The following HTR2C variants were observed in gnomAD, a reference collection of about 807,000 sequenced individuals.
HTR2C encodes 5-hydroxytryptamine (serotonin) receptor 2C, G protein-coupled.
In HTR2C, 5 loss-of-function variants were observed where a neutral mutation model predicts 21.0. That is an observed-to-expected ratio of 0.24 (90% confidence interval 0.12 to 0.50). The LOEUF is 0.50. Among genes scored for constraint, HTR2C ranks in the 20% least tolerant of loss-of-function variants. The probability of loss-of-function intolerance (pLI) is 0.98; values close to 1 mark genes in which losing one functional copy is unlikely to be tolerated. For synonymous variants in HTR2C, 150 were observed against 145.3 expected (o/e 1.03, Z -0.23); for missense variants, 271 against 371.2 (o/e 0.73, Z 2.22).
At chrX:114,659,248 A>G (rs1930897567) in intron 2 of HTR2C, among the ~76,000 whole-genome samples, 1 of 111,793 alleles carries the variant, frequency 8.9e-6, no homozygotes, top group Non-Finnish European at 1.9e-5. Flanking sequence ...GATTATGGGA[A>G]CTACAATTCA....
At chrX:114,873,712 T>C (rs1189202079) in intron 5 of HTR2C, among the ~76,000 whole-genome samples, 2 of 111,879 alleles carry the variant, frequency 1.8e-5, no homozygotes, top group Non-Finnish European at 3.8e-5. Context: ...GATGATTTGA[T>C]AAATGTATAG....
At chrX:114,598,714 G>T (rs1927963122) in intron 1 of HTR2C, among the ~76,000 whole-genome samples, 1 of 110,973 alleles carries the variant, frequency 9.0e-6, no homozygotes, top group Non-Finnish European at 1.9e-5. Context: ...TTATTTTTAG[G>T]AATACCAGCA....
chrX:114,746,740 C>T (rs1556426209), intron 4 of HTR2C, among the ~76,000 whole-genome samples: 1 of 110,263 alleles, frequency 9.1e-6, no homozygotes, highest in African/African-American at 3.3e-5. Flanking sequence ...AATCCCAGCA[C>T]GTTGGGAGGC....
At chrX:114,585,717 G>C (rs1927362359) in intron 1 of HTR2C, among the ~76,000 whole-genome samples, 1 of 111,132 alleles carries the variant, frequency 9.0e-6, no homozygotes, top group Non-Finnish European at 1.9e-5. Context: ...ATAATTCAGC[G>C]AGTGACATTC....
At chrX:114,795,981 A>C (rs2070289381) in intron 4 of HTR2C, among the ~76,000 whole-genome samples, 1 of 111,535 alleles carries the variant, frequency 9.0e-6, no homozygotes, top group Admixed American at 9.6e-5. Context: ...AAGGAACATA[A>C]TACCTTAGAG....
At chrX:114,700,630 A>G (rs1392192022) in intron 2 of HTR2C, among the ~76,000 whole-genome samples, 3 of 112,500 alleles carry the variant, frequency 2.7e-5, no homozygotes, top group African/African-American at 9.7e-5. Flanking sequence ...AGCCTGAGCA[A>G]CGCAGAAGAC....
chrX:114,744,562 T>C lies in HTR2C; in HGVS notation c.349+12955T>C, dbSNP rs199982172. On this transcript the variant is annotated intron_variant, in intron 4 of 5. Transcript: ENST00000276198. ...CTGCCTCCCAGGTTCACGCCATTCTTCTGCCTCAGCCTCCCGAGTAGCCGG... is the reference window on the plus strand; with the variant it reads ...CTGCCTCCCAGGTTCACGCCATTCTCCTGCCTCAGCCTCCCGAGTAGCCGG... 2.9e-4 allele frequency among the ~76,000 whole-genome samples: 32 copies of C among 108,947 alleles called. No homozygotes were observed. In the East Asian group the frequency reaches 9.4e-3, roughly 32 times the overall value. The allele number at this position is 108,947 out of a possible 115,157, so 94.6% of individuals were successfully genotyped here.
At chrX:114,597,824 A>C (rs149724575) in intron 1 of HTR2C, among the ~76,000 whole-genome samples, 3,655 of 112,073 alleles carry the variant, frequency 0.033, 151 homozygotes, top group African/African-American at 0.11. Context: ...TGTAGAGAGA[A>C]AAGAAAAGAA....
chrX:114,909,358 A>G lies in HTR2C; in HGVS notation c.*1943A>G, dbSNP rs920152013. 1 of 112,542 alleles carries G rather than the reference A, an allele frequency of 8.9e-6. No homozygotes were observed. The highest frequency in any genetic ancestry group is 1.9e-5 in the Non-Finnish European group (1 of 53,270). The allele number at this position is 112,542 out of a possible 1,213,427, so 9.3% of individuals were successfully genotyped here. On this transcript the variant is annotated 3_prime_UTR_variant, in exon 6 of 6. Transcript: ENST00000276198. ...CACATACAGATGGTGTCCTGCATGT[A>G]TGCCATGTATGTTGCATGAATCCAT...
chrX:114,584,962 G>C (rs781861767), intron 1 of HTR2C, among the ~76,000 whole-genome samples: 2 of 100,647 alleles, frequency 2.0e-5, no homozygotes, highest in East Asian at 6.4e-4. Context: ...GGGGGAAGCC[G>C]AGACAGAAAC....
intron 5 of HTR2C, among the ~76,000 whole-genome samples, chrX:114,869,597 A>G (rs905460054): frequency 1.8e-5 from 2 of 112,009 alleles, no homozygotes; most frequent in Non-Finnish European, 3.8e-5. Flanking sequence ...ATACTATAAT[A>G]TCATCTGAAA....
intron 4 of HTR2C, among the ~76,000 whole-genome samples, chrX:114,735,709 A>C (rs1602732521): frequency 8.9e-6 from 1 of 111,965 alleles, no homozygotes; most frequent in African/African-American, 3.2e-5. Flanking sequence ...AGGGTCATTA[A>C]GCATGTTATA....
In HTR2C at chrX:114,712,082, T is replaced by A. The variant is rs188998531; in HGVS notation, c.-79-14776T>A. ...TTTACTACTTAAGAACAAATGTTCA[T>A]GATGATGCATATAATCTCTTTTTCT... On this transcript the variant is annotated intron_variant, in intron 2 of 5. Coordinates refer to ENST00000276198, the MANE Select transcript of HTR2C (RefSeq NM_000868.4). Among the ~76,000 whole-genome samples, 296 of 112,020 alleles carry A rather than the reference T, an allele frequency of 2.6e-3. 1 individual carries two copies. The highest frequency in any genetic ancestry group is 8.9e-3 in the African/African-American group (277 of 30,985).
chrX:114,860,682 G>A (rs2070999706), intron 5 of HTR2C, among the ~76,000 whole-genome samples: 1 of 110,350 alleles, frequency 9.1e-6, no homozygotes, highest in African/African-American at 3.3e-5. Context: ...TAAATTTGAT[G>A]TAAGATAACC....
chrX:114,693,828 C>A (rs782384170), intron 2 of HTR2C, among the ~76,000 whole-genome samples: 2 of 111,633 alleles, frequency 1.8e-5, no homozygotes, highest in East Asian at 5.6e-4. Flanking sequence ...ATGGGAAGAA[C>A]AGGGATTATG....
chrX:114,715,306 T>G (rs782013854), intron 2 of HTR2C: 2 of 385,696 alleles, frequency 5.2e-6, no homozygotes. Flanking sequence ...AATAAATACA[T>G]CTGGGCAACT....
intron 1 of HTR2C, among the ~76,000 whole-genome samples, chrX:114,610,301 A>G (rs897275958): frequency 3.6e-5 from 4 of 112,099 alleles, no homozygotes; most frequent in Non-Finnish European, 5.6e-5. Context: ...TACTTTTTCC[A>G]TATTATTTCA....
At chrX:114,706,657 A>G (rs1416798496) in intron 2 of HTR2C, among the ~76,000 whole-genome samples, 7 of 105,694 alleles carry the variant, frequency 6.6e-5, no homozygotes, top group Admixed American at 1.0e-4. Flanking sequence ...ACATGTATAC[A>G]TATGTAACTA....
chrX:114,605,533 C>T (rs1477511456), intron 1 of HTR2C, among the ~76,000 whole-genome samples: 12 of 110,948 alleles, frequency 1.1e-4, no homozygotes, highest in Admixed American at 6.7e-4. Context: ...AATGCCTGGA[C>T]GTCAGGCACC....
Sources: gnomAD v4.1 joint callset for allele counts (sites outside exome capture counted in the v4.1 genomes callset) on GRCh38, gnomAD v4.1.1 for gene constraint, MANE v1.5 for transcripts, NCBI Gene and HGNC (gene_info 2026-07-23, HGNC 2026-07-21) for gene names.